MEI1: variants seen among roughly 807,000 people sequenced by gnomAD.
The protein encoded by MEI1 is meiosis inhibitor protein 1.
In MEI1, 103 loss-of-function variants were observed where a neutral mutation model predicts 146.2. The observed-to-expected ratio is 0.70, with a 90% CI of 0.60 to 0.83. MEI1 has a LOEUF of 0.83. MEI1 is among the 40% of genes least tolerant of loss of function. The probability of loss-of-function intolerance (pLI) is 0.00; values close to 1 mark genes in which losing one functional copy is unlikely to be tolerated. For synonymous variants in MEI1, 652 were observed against 628.2 expected, an observed-to-expected ratio of 1.04 and a Z score of -0.57; for missense variants, 1,529 against 1,533.0, an observed-to-expected ratio of 1.00 and a Z score of 0.04.
intron 13 of MEI1, 93 bp from the exon 14 acceptor site, chr22:41,745,792 A>AT: frequency 7.6e-7 from 1 of 1,319,668 alleles, no homozygotes; most frequent in Non-Finnish European, 1.0e-6. Flanking sequence ...CTGGACCCTG[A>AT]GCACAGGCAC....
intron 2 of MEI1, among the ~76,000 whole-genome samples, chr22:41,704,041 C>T (rs2068901991): frequency 6.6e-6 from 1 of 152,162 alleles, no homozygotes; most frequent in African/African-American, 2.4e-5. Context: ...TGTACAGGAC[C>T]AGAATGGAGT....
At position 41,746,030 on chromosome 22, in the gene MEI1, G is replaced by A. The variant is rs780324140; in HGVS notation, c.1680+4G>A. 6.3e-7 allele frequency: 1 copy of A among 1,585,444 alleles called. No homozygotes were observed. The highest frequency in any genetic ancestry group is 1.1e-5 in the South Asian group (1 of 87,754). ...GCTGTGTATCCCCATGGTGATGGTGGGTTCTCCTGAGCCACGGGCAACATG... is the reference window on the plus strand; with the variant it reads ...GCTGTGTATCCCCATGGTGATGGTGAGTTCTCCTGAGCCACGGGCAACATG... On this transcript the variant is annotated splice_donor_region_variant and intron_variant, in intron 14 of 30. Coordinates refer to ENST00000401548, the MANE Select transcript of MEI1 (RefSeq NM_152513.4).
chr22:41,730,249 G>A (rs763067591), intron 8 of MEI1, among the ~76,000 whole-genome samples: 1 of 152,132 alleles, frequency 6.6e-6, no homozygotes, highest in African/African-American at 2.4e-5. Flanking sequence ...CTGAGAATTA[G>A]GAGACTTAAG....
chr22:41,798,409 T>C (rs1427103817), intron 30 of MEI1, among the ~76,000 whole-genome samples: 1 of 151,794 alleles, frequency 6.6e-6, no homozygotes, highest in East Asian at 1.9e-4. Context: ...AAACCCCATC[T>C]CTACTAAAAA....
chr22:41,781,483 G>C, intron 23 of MEI1, 89 bp downstream of exon 23: 1 of 1,247,902 alleles, frequency 8.0e-7, no homozygotes, highest in South Asian at 1.3e-5. Flanking sequence ...AAAACAAATA[G>C]GGTTGTGTGT....
intron 16 of MEI1, chr22:41,753,646 A>G (rs1473071422): frequency 9.9e-6 from 2 of 201,386 alleles, no homozygotes; most frequent in Non-Finnish European, 2.0e-5. Context: ...CGCCAGGCTA[A>G]TTTTGTATTT....
intron 6 of MEI1, among the ~76,000 whole-genome samples, chr22:41,723,685 G>C (rs1261046950): frequency 6.6e-6 from 1 of 152,170 alleles, no homozygotes; most frequent in East Asian, 1.9e-4. Context: ...TTATAGTTGA[G>C]TGAGGCAGTC....
At chr22:41,734,996 C>T (rs964327279) in intron 11 of MEI1, among the ~76,000 whole-genome samples, 1 of 151,578 alleles carries the variant, frequency 6.6e-6, no homozygotes, top group African/African-American at 2.4e-5. Flanking sequence ...GAGTCTCCCT[C>T]TTTCACCCAG....
chr22:41,737,686 C>T (rs1201535346), intron 11 of MEI1, among the ~76,000 whole-genome samples: 1 of 152,076 alleles, frequency 6.6e-6, no homozygotes, highest in Admixed American at 6.6e-5. Context: ...GAATTACAGG[C>T]GTGAGCCACT....
intron 26 of MEI1, among the ~76,000 whole-genome samples, chr22:41,785,265 A>G (rs370823315): frequency 1.7e-5 from 2 of 116,528 alleles, no homozygotes; most frequent in Non-Finnish European, 3.5e-5. Flanking sequence ...TTATTTATTT[A>G]TTTTTATTAT....
At chr22:41,712,205 A>AC (rs1398002932) in intron 3 of MEI1, among the ~76,000 whole-genome samples, 1 of 21,620 alleles carries the variant, frequency 4.6e-5, no homozygotes, top group Admixed American at 1.2e-3. Context: ...ACTCCGGCTC[A>AC]AAAAAAAAAA....
At chr22:41,798,252 G>T (rs749163821) in intron 30 of MEI1, among the ~76,000 whole-genome samples, 2 of 149,882 alleles carry the variant, frequency 1.3e-5, no homozygotes, top group Non-Finnish European at 1.5e-5. Flanking sequence ...CACACAATGT[G>T]TGTGTGTCTG....
chr22:41,762,820 A>G (rs1394401289), intron 18 of MEI1, among the ~76,000 whole-genome samples: 2 of 152,122 alleles, frequency 1.3e-5, no homozygotes, highest in South Asian at 2.1e-4. Flanking sequence ...GTTTAATGAT[A>G]AATACAAGAA....
chr22:41,729,164 C>CAAAAAA (rs386395490), intron 7 of MEI1, among the ~76,000 whole-genome samples: 1 of 75,092 alleles, frequency 1.3e-5, no homozygotes, highest in Non-Finnish European at 2.3e-5. Context: ...GACTCCGTCT[C>CAAAAAA]AAAAAAAAAA....
At chr22:41,733,855 G>A (rs1235387389) in intron 11 of MEI1, among the ~76,000 whole-genome samples, 4 of 151,814 alleles carry the variant, frequency 2.6e-5, no homozygotes, top group Admixed American at 6.6e-5. Context: ...GACCACGTGC[G>A]GTGGCTCATG....
Position 41,757,445 on chromosome 22 carries a change from C to T in MEI1, c.1952-920C>T, listed in dbSNP as rs184037634. Among the ~76,000 whole-genome samples, 46 of 152,170 alleles carry T rather than the reference C, an allele frequency of 3.0e-4. No individual in the cohort carries two copies. The East Asian group carries it at 8.7e-3, about 29-fold the overall frequency. The stretch of plus-strand genomic sequence containing the variant: ...CCATCTCAGCTCACTGCAACCTCTG[C>T]CTCCCAGGTTCAAGCGATTCTCCCA... On this transcript the variant is annotated intron_variant, in intron 17 of 30. Coordinates refer to ENST00000401548, the MANE Select transcript of MEI1 (RefSeq NM_152513.4).
At chr22:41,751,772 TAA>T (rs35211694) in intron 15 of MEI1, among the ~76,000 whole-genome samples, 6 of 119,398 alleles carry the variant, frequency 5.0e-5, no homozygotes, top group Admixed American at 2.8e-4. Flanking sequence ...AACTCCATCT[TAA>T]AAAAAAAAAA....
intron 3 of MEI1, among the ~76,000 whole-genome samples, chr22:41,711,077 T>G (rs578156855): frequency 1.3e-5 from 2 of 152,338 alleles, no homozygotes; most frequent in South Asian, 4.1e-4. Flanking sequence ...TAGATGTTCT[T>G]TAGGGAGCAT....
chr22:41,745,423 G>T (rs2073212571), intron 13 of MEI1, among the ~76,000 whole-genome samples: 1 of 152,142 alleles, frequency 6.6e-6, no homozygotes, highest in African/African-American at 2.4e-5. Context: ...TATCTACTGT[G>T]TGCCATGCCT....
Sources: gnomAD v4.1 joint callset for allele counts (sites outside exome capture counted in the v4.1 genomes callset) on GRCh38, gnomAD v4.1.1 for gene constraint, MANE v1.5 for transcripts, NCBI Gene and HGNC (gene_info 2026-07-23, HGNC 2026-07-21) for gene names.